ZNF831: variants seen among roughly 807,000 people sequenced by gnomAD.
ZNF831 encodes chromosome 20 open reading frame 174.
A neutral mutation model predicts 95.8 loss-of-function variants in ZNF831; 59 were observed. The ratio of observed to expected loss-of-function variants is 0.62; its 90% CI spans 0.50 to 0.77. The LOEUF (loss-of-function observed/expected upper bound fraction) is 0.77, where lower values mean the gene tolerates loss of function less well. ZNF831 is among the 30% of genes least tolerant of loss of function. ZNF831 has a pLI of 0.00. For synonymous variants in ZNF831, 961 were observed against 925.5 expected (o/e 1.04, Z -0.70); for missense variants, 2,205 against 2,164.0 (o/e 1.02, Z -0.38).
intron 1 of ZNF831, among the ~76,000 whole-genome samples, chr20:59,128,987 C>A (rs1456944453): frequency 6.6e-6 from 1 of 152,178 alleles, no homozygotes; most frequent in Non-Finnish European, 1.5e-5. Context: ...TAGTCTCGAA[C>A]TCCTGACCTC....
In ZNF831 at chr20:59,155,358, G is replaced by T. The variant is rs999895737; in HGVS notation, c.-1280-4294G>T. On this transcript the variant is annotated intron_variant, in intron 2 of 7. Coordinates refer to the ZNF831 transcript ENST00000637017. ...GGCACATGAATGCACTAATATTTTT[G>T]TCTGTGTGCAGCTGTGTCTCTGTCT... 2.2e-4 allele frequency among the ~76,000 whole-genome samples: 33 copies of T among 152,326 alleles called. No homozygotes were observed. In the Middle Eastern group the frequency reaches 0.017, roughly 79 times the overall value.
At chr20:59,138,669 T>C (rs961549899) in intron 1 of ZNF831, among the ~76,000 whole-genome samples, 1 of 152,264 alleles carries the variant, frequency 6.6e-6, no homozygotes, top group Admixed American at 6.5e-5. Flanking sequence ...CAAAAGCTTT[T>C]AGAACCCTGT....
intron 4 of ZNF831, among the ~76,000 whole-genome samples, chr20:59,233,027 C>CACACACACACACACACAT (rs1270886055): frequency 3.4e-5 from 5 of 147,400 alleles, no homozygotes; most frequent in African/African-American, 1.3e-4. Context: ...CACACACACA[C>CACACACACACACACACAT]ACACACACAC....
intron 4 of ZNF831, among the ~76,000 whole-genome samples, chr20:59,210,756 A>G (rs1345337479): frequency 6.6e-6 from 1 of 152,238 alleles, no homozygotes; most frequent in Admixed American, 6.5e-5. Flanking sequence ...TCCCACTTCC[A>G]TAAACATCCT....
In ZNF831 at chr20:59,191,111, C is replaced by A; in HGVS notation, c.92C>A (p.Ala31Asp). The change falls in exon 2 of 6, where the codon GCC becomes GAC. Residue 31 changes from alanine (A) to aspartate (D), a missense_variant. Physicochemically the swap from Ala to Asp is moderately radical, Grantham distance 126. Transcript: ENST00000371030. ...PGPPGAPGGQASPHLTLGPVL... is the reference protein window; with the variant it reads ...PGPPGAPGGQDSPHLTLGPVL... Reference sequence around the variant, plus strand: ...CCTCCAGGGGCCCCAGGTGGCCAGGCCTCACCTCACCTGACCCTGGGCCCT... The same window carrying A: ...CCTCCAGGGGCCCCAGGTGGCCAGGACTCACCTCACCTGACCCTGGGCCCT... The A allele has an allele frequency of 6.3e-7, 1 of 1,589,436 alleles. No homozygotes were observed. Among genetic ancestry groups the A allele is most frequent in the Non-Finnish European group, 8.5e-7 (1 of 1,173,556 alleles).
Position 59,191,754 on chromosome 20 carries a change from C to G in ZNF831, c.735C>G (p.Pro245=). 6.2e-7 allele frequency: 1 copy of G among 1,606,904 alleles called. No homozygotes were observed. The highest frequency in any genetic ancestry group is 1.1e-5 in the South Asian group (1 of 90,466). The change falls in exon 2 of 6, where the codon CCC becomes CCG. Residue 245 remains proline (P), a synonymous_variant. Coordinates refer to ENST00000371030, the MANE Select transcript of ZNF831 (RefSeq NM_178457.3). ...QGMHEGASER[P]LSPGAHVPLL... ...TGCACGAAGGCGCCTCGGAGAGACC[C>G]CTTTCTCCGGGTGCCCACGTGCCCC...
At chr20:59,145,053 C>G (rs1029943116) in intron 1 of ZNF831, among the ~76,000 whole-genome samples, 2 of 152,174 alleles carry the variant, frequency 1.3e-5, no homozygotes, top group Non-Finnish European at 2.9e-5. Flanking sequence ...ACCCACAGTT[C>G]TGAGAAATTA....
intron 3 of ZNF831, among the ~76,000 whole-genome samples, chr20:59,199,400 T>C (rs1470678299): frequency 6.6e-6 from 1 of 152,264 alleles, no homozygotes; most frequent in East Asian, 1.9e-4. Flanking sequence ...CAATCTGTGT[T>C]TTCATACTTT....
At chr20:59,243,948 T>TC (rs1403351840) in intron 4 of ZNF831, among the ~76,000 whole-genome samples, 2 of 152,078 alleles carry the variant, frequency 1.3e-5, no homozygotes, top group Admixed American at 6.5e-5. Flanking sequence ...AATTTTTTTT[T>TC]CCCTTCATTT....
intron 1 of ZNF831, among the ~76,000 whole-genome samples, chr20:59,131,920 TC>T (rs1317428898): frequency 6.6e-6 from 1 of 152,266 alleles, no homozygotes; most frequent in Admixed American, 6.5e-5. Context: ...GTACTTTTTT[TC>T]ATTATAAAAA....
At position 59,193,867 on chromosome 20, in the gene ZNF831, A is replaced by G; in HGVS notation, c.2848A>G (p.Thr950Ala). The G allele has an allele frequency of 1.2e-6, 2 of 1,612,002 alleles. No homozygotes were observed. The highest frequency in any genetic ancestry group is 1.7e-6 in the Non-Finnish European group (2 of 1,179,034). The change falls in exon 2 of 6, where the codon ACC (threonine) becomes GCC (alanine). Residue 950 changes from threonine (T) to alanine (A), a missense_variant. Coordinates refer to ENST00000371030, the MANE Select transcript of ZNF831 (RefSeq NM_178457.3). The part of the protein sequence containing the change: ...KYLLRLPQAE[T>A]PLPLPIPWGP... ...CCTCCTCAGGTTACCTCAGGCAGAG[A>G]CCCCCTTACCACTGCCCATTCCCTG...
At position 59,191,963 on chromosome 20, in the gene ZNF831, T is replaced by A. The variant is rs1422297994; in HGVS notation, c.944T>A (p.Leu315Gln). ...KSPTAGKPCALQRQQATAAEK... is the reference protein window; with the variant it reads ...KSPTAGKPCAQQRQQATAAEK... ...CCGACCGCCGGGAAGCCGTGCGCCC[T>A]GCAGCGGCAGCAGGCGACGGCAGCG... is the stretch of plus-strand genomic sequence containing the variant. Residue 315 changes from leucine to glutamine, a missense_variant, in exon 2 of 6, where the codon CTG (leucine) becomes CAG (glutamine). Physicochemically the swap from Leu to Gln is moderately radical, Grantham distance 113 (BLOSUM62 -2). Transcript: ENST00000371030. 2.5e-6 allele frequency: 4 copies of A among 1,607,084 alleles called. No individual in the cohort carries two copies. Among genetic ancestry groups the A allele is most frequent in the Non-Finnish European group, 3.4e-6 (4 of 1,177,466 alleles).
rs2146565221 is a variant in ZNF831, at chr20:59,192,417, C to G, written c.1398C>G (p.Ala466=). Residue 466 remains alanine, a synonymous_variant, in exon 2 of 6, where the codon GCC becomes GCG. Coordinates refer to ENST00000371030, the MANE Select transcript of ZNF831 (RefSeq NM_178457.3). This position sits in a 1 kb window ranked among gnomAD's most constrained non-coding sequence, Gnocchi z 5.2. ...IRALEPGRRR[A]PGPVRSTWTP... is the part of the protein sequence containing the mutation. ...CGCTGGAGCCAGGCCGTAGGAGGGC[C>G]CCGGGCCCCGTGCGCTCCACCTGGA... 1 of 1,611,364 alleles carries G rather than the reference C, an allele frequency of 6.2e-7. No homozygotes were observed. The highest frequency in any genetic ancestry group is 8.5e-7 in the Non-Finnish European group (1 of 1,179,152).
intron 2 of ZNF831, among the ~76,000 whole-genome samples, chr20:59,147,509 T>TGC (rs1176337648): frequency 3.9e-5 from 6 of 152,236 alleles, no homozygotes; most frequent in Non-Finnish European, 8.8e-5. Flanking sequence ...AAGGGAGAAT[T>TGC]GCAATTGTTA....
In ZNF831 at chr20:59,253,171, A is replaced by G. The variant is rs376542403; in HGVS notation, c.4188+33A>G. On this transcript the variant is annotated intron_variant, in intron 5 of 5. Transcript: ENST00000371030. Reference sequence around the variant, plus strand: ...TGATGATTTTGAGCTGCCTCTACCTATTCCTGGTCTAGATGTATAGCCCTG... The same window carrying G: ...TGATGATTTTGAGCTGCCTCTACCTGTTCCTGGTCTAGATGTATAGCCCTG... 34 of 1,611,546 alleles carry G rather than the reference A, an allele frequency of 2.1e-5. No individual in the cohort carries two copies. The African/African-American group carries it at 3.3e-4, about 16-fold the overall frequency.
intron 3 of ZNF831, among the ~76,000 whole-genome samples, chr20:59,204,834 C>T: frequency 6.6e-6 from 1 of 152,154 alleles, no homozygotes; most frequent in East Asian, 1.9e-4. Context: ...GCTTGCAAAA[C>T]CTTCCTAAGC....
intron 1 of ZNF831, among the ~76,000 whole-genome samples, chr20:59,180,520 TC>T (rs531688912): frequency 1.3e-5 from 2 of 151,410 alleles, no homozygotes; most frequent in African/African-American, 4.9e-5. Flanking sequence ...TCCCTCCCCT[TC>T]CCCCCCGGCA....
At chr20:59,178,194 G>A (rs1029694223) in intron 1 of ZNF831, among the ~76,000 whole-genome samples, 14 of 152,216 alleles carry the variant, frequency 9.2e-5, no homozygotes, top group African/African-American at 3.4e-4. Context: ...TGGGCATTAT[G>A]AGTTGACAGC....
chr20:59,177,332 T>G (rs1276072073), intron 1 of ZNF831, among the ~76,000 whole-genome samples: 1 of 152,188 alleles, frequency 6.6e-6, no homozygotes, highest in Non-Finnish European at 1.5e-5. Flanking sequence ...CCAGAAAGAA[T>G]TTAAAAAAAT....
Sources: allele counts gnomAD v4.1 joint callset (sites outside exome capture counted in the v4.1 genomes callset), GRCh38; gene constraint gnomAD v4.1.1; non-coding constraint Gnocchi (gnomAD v3.1); transcripts MANE v1.5; gene names NCBI Gene and HGNC (gene_info 2026-07-23, HGNC 2026-07-21).